The following HIP1 variants were observed in gnomAD, a reference collection of about 807,000 sequenced individuals.
HIP1 encodes the protein huntingtin interacting protein 1, also known as huntingtin-interacting protein 1.
In HIP1, 65 loss-of-function variants were observed where a neutral mutation model predicts 147.6. That is an observed-to-expected ratio of 0.44 (90% CI 0.36 to 0.54). HIP1 has a LOEUF of 0.54. HIP1 is among the 20% of genes least tolerant of loss of function. The probability of loss-of-function intolerance (pLI) is 0.00; values close to 1 mark genes in which losing one functional copy is unlikely to be tolerated. For missense variants in HIP1, 1,061 were observed against 1,299.6 expected (o/e 0.82, Z 2.82); for synonymous variants, 479 against 504.0 (o/e 0.95, Z 0.67).
At chr7:75,603,479 C>G (rs1242499312) in intron 1 of HIP1, among the ~76,000 whole-genome samples, 1 of 152,072 alleles carries the variant, frequency 6.6e-6, no homozygotes. Context: ...ATTACAGGGT[C>G]CTTTCCCCAT....
intron 1 of HIP1, among the ~76,000 whole-genome samples, chr7:75,698,777 A>C (rs1554518964): frequency 6.6e-6 from 1 of 152,044 alleles, no homozygotes; most frequent in African/African-American, 2.4e-5. Context: ...CTATGATCAT[A>C]TCATGTACTC....
intron 1 of HIP1, among the ~76,000 whole-genome samples, chr7:75,727,231 C>T (rs1318779371): frequency 2.0e-5 from 3 of 151,838 alleles, no homozygotes; most frequent in Non-Finnish European, 4.4e-5. Context: ...TCTCCTAGGC[C>T]GAGTAGCTGG....
chr7:75,634,979 C>A (rs587635489), intron 1 of HIP1, among the ~76,000 whole-genome samples: 4 of 147,078 alleles, frequency 2.7e-5, no homozygotes, highest in African/African-American at 7.5e-5. Context: ...AAACAAAATG[C>A]CTTGTATACT....
At chr7:75,638,498 C>T (rs1297934343) in intron 1 of HIP1, among the ~76,000 whole-genome samples, 1 of 152,114 alleles carries the variant, frequency 6.6e-6, no homozygotes, top group African/African-American at 2.4e-5. Flanking sequence ...GCACCTCAGG[C>T]CCACTGAAGC....
chr7:75,579,180 C>G (rs1795950070), intron 7 of HIP1, among the ~76,000 whole-genome samples: 1 of 152,072 alleles, frequency 6.6e-6, no homozygotes. Context: ...CTGGGAATAG[C>G]TTAGGGCATA....
chr7:75,670,786 C>CATTTTTTT (rs1799708006), intron 1 of HIP1, among the ~76,000 whole-genome samples: 2 of 122,842 alleles, frequency 1.6e-5, no homozygotes, highest in African/African-American at 3.2e-5. Context: ...CTAATTAAAA[C>CATTTTTTT]TTTTTTTTTT....
intron 1 of HIP1, chr7:75,625,765 T>C (rs1316416934): frequency 6.6e-6 from 1 of 152,136 alleles, no homozygotes; most frequent in African/African-American, 2.4e-5. Flanking sequence ...TAAGGACAAA[T>C]GCCCTTATAA....
chr7:75,663,728 T>C (rs1799387376), intron 1 of HIP1, among the ~76,000 whole-genome samples: 1 of 150,238 alleles, frequency 6.7e-6, no homozygotes, highest in African/African-American at 2.4e-5. Context: ...AGGGAGTATT[T>C]AGGAGGTAAA....
intron 1 of HIP1, among the ~76,000 whole-genome samples, chr7:75,733,168 T>A (rs1156399113): frequency 1.3e-5 from 2 of 152,158 alleles, no homozygotes; most frequent in Non-Finnish European, 2.9e-5. Flanking sequence ...GGGAGGACAG[T>A]GTGGTCGAAC....
At position 75,719,700 on chromosome 7, in the gene HIP1, A is replaced by C. The variant is rs1173673007; in HGVS notation, c.120+19101T>G. Among the ~76,000 whole-genome samples, 4 of 151,816 alleles carry C rather than the reference A, an allele frequency of 2.6e-5. No homozygotes were observed. In the East Asian group the frequency reaches 7.8e-4, roughly 30 times the overall value. The stretch of plus-strand genomic sequence containing the variant: ...CCTCCCAAAGTGCTGGGATTAAAGC[A>C]TGAGCCACCACGCCTGGCCCTCCAC... On this transcript the variant is annotated intron_variant, in intron 1 of 30. Coordinates refer to ENST00000336926, the MANE Select transcript of HIP1 (RefSeq NM_005338.7).
At chr7:75,593,268 C>T (rs780709104) in intron 2 of HIP1, among the ~76,000 whole-genome samples, 54 of 152,250 alleles carry the variant, frequency 3.5e-4, no homozygotes, top group Non-Finnish European at 7.2e-4. Flanking sequence ...TGTGTCTGGC[C>T]TTATGACACC....
At chr7:75,635,378 GA>G (rs1374887315) in intron 1 of HIP1, among the ~76,000 whole-genome samples, 1 of 152,046 alleles carries the variant, frequency 6.6e-6, no homozygotes, top group African/African-American at 2.4e-5. Flanking sequence ...GGGAAATCAA[GA>G]GTCACCTTAG....
chr7:75,653,450 C>T (rs948074162), intron 1 of HIP1, among the ~76,000 whole-genome samples: 6 of 150,502 alleles, frequency 4.0e-5, no homozygotes, highest in East Asian at 2.0e-4. Context: ...GCCAGGAGTT[C>T]GAGACCAGCC....
chr7:75,659,323 T>C (rs1408852143), intron 1 of HIP1, among the ~76,000 whole-genome samples: 1 of 152,114 alleles, frequency 6.6e-6, no homozygotes, highest in African/African-American at 2.4e-5. Context: ...TGCATCCTTA[T>C]CTTTAATATT....
At chr7:75,684,131 C>T (rs1362448879) in intron 1 of HIP1, among the ~76,000 whole-genome samples, 1 of 151,452 alleles carries the variant, frequency 6.6e-6, no homozygotes, top group Non-Finnish European at 1.5e-5. Context: ...TAGTGAGACT[C>T]CATCTCTATA....
At chr7:75,736,851 T>C (rs1802036984) in intron 1 of HIP1, among the ~76,000 whole-genome samples, 1 of 147,766 alleles carries the variant, frequency 6.8e-6, no homozygotes, top group Non-Finnish European at 1.5e-5. Flanking sequence ...TTCTTTTTCT[T>C]TTTTTTTTTT....
intron 7 of HIP1, among the ~76,000 whole-genome samples, chr7:75,576,503 C>T (rs1795850579): frequency 6.6e-6 from 1 of 152,156 alleles, no homozygotes; most frequent in Non-Finnish European, 1.5e-5. Context: ...GGGAGGACTG[C>T]TTGAGGTCAA....
At chr7:75,693,771 G>A (rs1340923102) in intron 1 of HIP1, among the ~76,000 whole-genome samples, 1 of 143,430 alleles carries the variant, frequency 7.0e-6, no homozygotes, top group African/African-American at 2.5e-5. Context: ...GCTACTCGGG[G>A]GAAGGGAGGG....
intron 7 of HIP1, among the ~76,000 whole-genome samples, chr7:75,574,489 T>C (rs1286702535): frequency 6.7e-6 from 1 of 149,580 alleles, no homozygotes; most frequent in Non-Finnish European, 1.5e-5. Flanking sequence ...CTCGGGAGGC[T>C]GAGGCAGGAG....
Sources: gnomAD v4.1 joint callset for allele counts (sites outside exome capture counted in the v4.1 genomes callset) on GRCh38, gnomAD v4.1.1 for gene constraint, MANE v1.5 for transcripts, NCBI Gene and HGNC (gene_info 2026-07-23, HGNC 2026-07-21) for gene names.